The following NTSR1 variants were observed in gnomAD, a reference collection of about 807,000 sequenced individuals.
NTSR1 encodes neurotensin receptor type 1.
A neutral mutation model predicts 31.2 loss-of-function variants in NTSR1; 29 were observed. That is an observed-to-expected ratio of 0.93 (90% CI 0.69 to 1.27). NTSR1 has a LOEUF of 1.27. Among genes scored for constraint, NTSR1 ranks in the 50% most tolerant of loss-of-function variants. The pLI is 0.00. For synonymous variants in NTSR1, 282 were observed against 269.9 expected, an observed-to-expected ratio of 1.04 and a Z score of -0.44; for missense variants, 697 against 595.4, an observed-to-expected ratio of 1.17 and a Z score of -1.78.
chr20:62,753,756 C>T (rs138547945), intron 1 of NTSR1, among the ~76,000 whole-genome samples: 9 of 152,348 alleles, frequency 5.9e-5, no homozygotes, highest in Admixed American at 2.0e-4. Context: ...GGAGGGGTGC[C>T]GGTTTCTCCA....
At chr20:62,726,688 C>T (rs1279054229) in intron 1 of NTSR1, among the ~76,000 whole-genome samples, 1 of 94,314 alleles carries the variant, frequency 1.1e-5, no homozygotes, top group Non-Finnish European at 2.5e-5. Flanking sequence ...GAGCAGGAAC[C>T]TGTCTCAAAA....
intron 1 of NTSR1, among the ~76,000 whole-genome samples, chr20:62,727,485 G>A (rs1988928377): frequency 6.6e-6 from 1 of 152,224 alleles, no homozygotes; most frequent in Non-Finnish European, 1.5e-5. Context: ...CGGCGGGTCT[G>A]GAGCCACCTC....
intron 2 of NTSR1, among the ~76,000 whole-genome samples, chr20:62,755,878 T>C (rs1600737938): frequency 3.2e-5 from 2 of 62,720 alleles, no homozygotes; most frequent in Admixed American, 2.2e-4. Context: ...CCATCATCCC[T>C]CCCTCCCTCC....
intron 1 of NTSR1, among the ~76,000 whole-genome samples, chr20:62,721,466 A>G (rs1427193356): frequency 6.6e-6 from 1 of 152,150 alleles, no homozygotes; most frequent in African/African-American, 2.4e-5. Context: ...TCCTCTGGAG[A>G]GGCAGCCCGC....
At chr20:62,713,098 C>G (rs1190460869) in intron 1 of NTSR1, among the ~76,000 whole-genome samples, 3 of 152,194 alleles carry the variant, frequency 2.0e-5, no homozygotes, top group Non-Finnish European at 4.4e-5. Context: ...CGAAAGCAAA[C>G]CCTCCCAGCC....
At position 62,709,124 on chromosome 20, in the gene NTSR1, G is replaced by T; in HGVS notation, c.-84G>T. On this transcript the variant is annotated 5_prime_UTR_variant, in exon 1 of 4. Transcript: ENST00000370501. The stretch of plus-strand genomic sequence containing the variant: ...GCCCTCCCCTGGGCTCCCGTTCATC[G>T]GTCCCCGCCTGAGACGCGCCCACTC... The T allele has an allele frequency of 2.6e-6, 3 of 1,148,868 alleles. No individual in the cohort carries two copies. The highest frequency in any genetic ancestry group is 2.3e-6 in the Non-Finnish European group (2 of 877,936). The allele number at this position is 1,148,868 out of a possible 1,614,324, so 71.2% of individuals were successfully genotyped here.
At chr20:62,710,007 G>A (rs1988576830) in intron 1 of NTSR1, 86 bp downstream of exon 1, 1 of 1,140,268 alleles carries the variant, frequency 8.8e-7, no homozygotes, top group South Asian at 1.6e-5. Flanking sequence ...TAGGGAGTGG[G>A]AGAGATGTCA....
Position 62,742,878 on chromosome 20 carries a change from C to T in NTSR1, c.715-11807C>T, listed in dbSNP as rs1006594980. On this transcript the variant is annotated intron_variant, in intron 1 of 3. Coordinates refer to ENST00000370501, the MANE Select transcript of NTSR1 (RefSeq NM_002531.3). This position sits in a 1 kb window ranked among gnomAD's most constrained non-coding sequence, Gnocchi z 7.1. ...CCCAGTTCCAGGGCTGTGAGGTGGT[C>T]ACAGTGGCTCTGGTGTGGCCGTGGG... Among the ~76,000 whole-genome samples, 3 of 149,684 alleles carry T rather than the reference C, an allele frequency of 2.0e-5. No homozygotes were observed. Among genetic ancestry groups the T allele is most frequent in the Non-Finnish European group, 4.4e-5 (3 of 68,022 alleles).
rs147150119 is a variant in NTSR1, at chr20:62,748,924, C to A, written c.715-5761C>A. Among the ~76,000 whole-genome samples the A allele has an allele frequency of 1.3e-3, 202 of 152,178 alleles. 2 individuals carry two copies. Among genetic ancestry groups the A allele is most frequent in the Non-Finnish European group, 2.3e-3 (159 of 68,004 alleles). On this transcript the variant is annotated intron_variant, in intron 1 of 3. Coordinates refer to ENST00000370501, the MANE Select transcript of NTSR1 (RefSeq NM_002531.3). ...GCCACGGCGGAACTTTTCCGAGAGT[C>A]CCCCCAGCAAGAAGGCTTTCACCAG...
chr20:62,726,280 A>T (rs1163975163), intron 1 of NTSR1, among the ~76,000 whole-genome samples: 2 of 152,216 alleles, frequency 1.3e-5, no homozygotes, highest in African/African-American at 4.8e-5. Flanking sequence ...ATCTCCCAAG[A>T]GGCTCCAGCC....
chr20:62,724,418 T>C (rs896209227), intron 1 of NTSR1, among the ~76,000 whole-genome samples: 1 of 125,792 alleles, frequency 7.9e-6, no homozygotes, highest in Non-Finnish European at 1.7e-5. Flanking sequence ...AGCGGGTAAT[T>C]GCAGGGCACT....
rs373370662 is a variant in NTSR1, at chr20:62,760,146, T to A, written c.1136T>A (p.Leu379Gln). Residue 379 changes from leucine to glutamine, a missense_variant, in exon 4 of 4, where the codon CTG becomes CAG. Coordinates refer to ENST00000370501, the MANE Select transcript of NTSR1 (RefSeq NM_002531.3). ...ANFRHIFLAT[L>Q]ACLCPVWRRR... ...TTCCGCCACATCTTCCTGGCCACAC[T>A]GGCCTGCCTCTGCCCGGTGTGGCGG... 24 of 1,614,024 alleles carry A rather than the reference T, an allele frequency of 1.5e-5. No homozygotes were observed. The African/African-American group carries it at 3.1e-4, about 21-fold the overall frequency.
chr20:62,710,785 G>A (rs1412219633), intron 1 of NTSR1, among the ~76,000 whole-genome samples: 1 of 152,204 alleles, frequency 6.6e-6, no homozygotes, highest in Admixed American at 6.5e-5. Context: ...CAGGAGGCTG[G>A]TGTCCAGGGA....
chr20:62,738,507 G>A (rs1329613894), intron 1 of NTSR1, among the ~76,000 whole-genome samples: 2 of 152,232 alleles, frequency 1.3e-5, no homozygotes, highest in East Asian at 1.9e-4. Flanking sequence ...GACCACCAGC[G>A]AAGTATCATG....
At chr20:62,749,569 C>T (rs1424980239) in intron 1 of NTSR1, among the ~76,000 whole-genome samples, 1 of 152,040 alleles carries the variant, frequency 6.6e-6, no homozygotes, top group African/African-American at 2.4e-5. Context: ...GCAAAAGAAA[C>T]AGCAAAACGA....
rs1052479842 is a variant in NTSR1, at chr20:62,760,403, C to T, written c.*136C>T. On this transcript the variant is annotated 3_prime_UTR_variant, in exon 4 of 4. Coordinates refer to ENST00000370501, the MANE Select transcript of NTSR1 (RefSeq NM_002531.3). ...CTGCACTGGAGTCTGAGGCCTGGGA[C>T]CCCCCCCTCCCACCCCCTAACCCAT... 3.6e-5 allele frequency: 30 copies of T among 844,398 alleles called. No individual in the cohort carries two copies. In the African/African-American group the frequency reaches 5.2e-4, roughly 15 times the overall value. The allele number at this position is 844,398 out of a possible 1,614,324, so 52.3% of individuals were successfully genotyped here. A position where few individuals can be genotyped will look rare whatever the true frequency, so the allele number is the denominator to read the frequency against.
chr20:62,750,564 G>A (rs1181528878), intron 1 of NTSR1, among the ~76,000 whole-genome samples: 1 of 151,938 alleles, frequency 6.6e-6, no homozygotes, highest in Non-Finnish European at 1.5e-5. Context: ...GGTGGCGGGC[G>A]CCTGTAGTCC....
Position 62,760,290 on chromosome 20 carries a change from CAGG to C in NTSR1, c.*29_*31del. ...TAGGCTGTGCGCCCCGGAACGTGTC[CAGG>C]AGGAGCCTGGCCATGGGTCCTTGCC... On this transcript the variant is annotated 3_prime_UTR_variant, in exon 4 of 4. Coordinates refer to ENST00000370501, the MANE Select transcript of NTSR1 (RefSeq NM_002531.3). 1 of 1,581,452 alleles carries C rather than the reference CAGG, an allele frequency of 6.3e-7. No individual in the cohort carries two copies. The highest frequency in any genetic ancestry group is 8.6e-7 in the Non-Finnish European group (1 of 1,161,898).
rs939455680 is a variant in NTSR1 at position 62,741,509 on chromosome 20, C to G, written c.715-13176C>G. Among the ~76,000 whole-genome samples the G allele has an allele frequency of 1.3e-5, 2 of 149,526 alleles. No homozygotes were observed. The highest frequency in any genetic ancestry group is 2.9e-5 in the Non-Finnish European group (2 of 68,008). On this transcript the variant is annotated intron_variant, in intron 1 of 3. Coordinates refer to ENST00000370501, the MANE Select transcript of NTSR1 (RefSeq NM_002531.3). This position sits in a 1 kb window ranked among gnomAD's most constrained non-coding sequence, Gnocchi z 4.3. ...CCAGCTGGCTTGGGGGTCCCTACAC[C>G]GGCCCCCTGCCCCACACCATGTTCC...
Sources: gnomAD v4.1 joint callset for allele counts (sites outside exome capture counted in the v4.1 genomes callset) on GRCh38, gnomAD v4.1.1 for gene constraint, Gnocchi (gnomAD v3.1) non-coding constraint, MANE v1.5 for transcripts, NCBI Gene and HGNC (gene_info 2026-07-23, HGNC 2026-07-21) for gene names.